Variants in PCDHGA3 observed in about 807,000 individuals in gnomAD.
PCDHGA3 encodes protocadherin gamma subfamily A, 3.
In PCDHGA3, 40 loss-of-function variants were observed where a neutral mutation model predicts 58.5. The ratio of observed to expected loss-of-function variants is 0.68; its 90% CI spans 0.53 to 0.89. The LOEUF is 0.89. Among genes scored for constraint, PCDHGA3 ranks in the 40% least tolerant of loss-of-function variants. The pLI, the probability that PCDHGA3 is intolerant of heterozygous loss-of-function variation, is 0.00. For synonymous variants in PCDHGA3, 530 were observed against 525.7 expected (o/e 1.01, Z -0.11); for missense variants, 1,223 against 1,195.9 (o/e 1.02, Z -0.33).
intron 1 of PCDHGA3, among the ~76,000 whole-genome samples, chr5:141,363,355 A>G (rs1252929193): frequency 6.6e-6 from 1 of 152,170 alleles, no homozygotes; most frequent in Non-Finnish European, 1.5e-5. Context: ...TGAAATGTCC[A>G]TTTTTTTCAA....
chr5:141,394,654 C>T lies in PCDHGA3; in HGVS notation c.2424+48197C>T. ...TACCGCCTGCTCAAGGCCAGCGAGCCGGGACTCTTCTCGGTGGGTCTGCAC... is the reference window on the plus strand; with the variant it reads ...TACCGCCTGCTCAAGGCCAGCGAGCTGGGACTCTTCTCGGTGGGTCTGCAC... On this transcript the variant is annotated intron_variant, in intron 1 of 3. Coordinates refer to ENST00000253812, the MANE Select transcript of PCDHGA3 (RefSeq NM_018916.4). 1.9e-6 allele frequency: 3 copies of T among 1,613,236 alleles called. No homozygotes were observed. Among genetic ancestry groups the T allele is most frequent in the Non-Finnish European group, 2.5e-6 (3 of 1,179,928 alleles).
At chr5:141,498,971 G>A (rs866066098) in intron 2 of PCDHGA3, among the ~76,000 whole-genome samples, 16 of 111,052 alleles carry the variant, frequency 1.4e-4, no homozygotes, top group African/African-American at 2.5e-4. Context: ...GAGGGAGGGA[G>A]GGAAGGAAGG....
chr5:141,485,993 A>C lies in PCDHGA3; in HGVS notation c.2425-8814A>C. 6.2e-7 allele frequency: 1 copy of C among 1,614,210 alleles called. No homozygotes were observed. Among genetic ancestry groups the C allele is most frequent in the Non-Finnish European group, 8.5e-7 (1 of 1,180,028 alleles). On this transcript the variant is annotated intron_variant, in intron 1 of 3. Coordinates refer to ENST00000253812, the MANE Select transcript of PCDHGA3 (RefSeq NM_018916.4). The surrounding 1 kb of genome is among the most constrained non-coding windows in gnomAD (Gnocchi z 5.7). ...TGCCTCAGACCCGGACCTGGGTCCC[A>C]GTGGTAACGTCACCTTTTATTTCAG...
intron 1 of PCDHGA3, chr5:141,394,067 C>T (rs773390718): frequency 1.9e-6 from 3 of 1,613,794 alleles, no homozygotes; most frequent in Admixed American, 3.3e-5. Flanking sequence ...TCTCTATCTA[C>T]AATATCACAG....
At chr5:141,363,584 T>C (rs1175154896) in intron 1 of PCDHGA3, among the ~76,000 whole-genome samples, 1 of 152,246 alleles carries the variant, frequency 6.6e-6, no homozygotes, top group Non-Finnish European at 1.5e-5. Context: ...AATGCATAGT[T>C]AACCCAACTC....
In PCDHGA3 at chr5:141,383,574, C is replaced by T. The variant is rs1338805390; in HGVS notation, c.2424+37117C>T. The stretch of plus-strand genomic sequence containing the variant: ...GCGGCGACCCGCCCCGATCCAGCAC[C>T]GCCCACATCCAGGTGACAGTGGTGG... On this transcript the variant is annotated intron_variant, in intron 1 of 3. Transcript: ENST00000253812. The T allele has an allele frequency of 3.7e-6, 6 of 1,613,366 alleles. No homozygotes were observed. In the South Asian group the frequency reaches 5.5e-5, roughly 15 times the overall value.
chr5:141,373,370 G>T (rs1448314999), intron 1 of PCDHGA3, among the ~76,000 whole-genome samples: 1 of 152,164 alleles, frequency 6.6e-6, no homozygotes, highest in African/African-American at 2.4e-5. Context: ...TAATGAATTG[G>T]TTCAAAATGT....
At chr5:141,434,608 C>T (rs142418557) in intron 1 of PCDHGA3, among the ~76,000 whole-genome samples, 1,532 of 152,226 alleles carry the variant, frequency 0.01, 34 homozygotes, top group African/African-American at 0.034. Flanking sequence ...CCTTTATTTC[C>T]GCCCATCTCT....
At chr5:141,433,318 G>A (rs1659490277) in intron 1 of PCDHGA3, 2 of 788,746 alleles carry the variant, frequency 2.5e-6, no homozygotes, top group Non-Finnish European at 4.0e-6. Context: ...CTTTGCCTCC[G>A]GTGTAACAGG....
chr5:141,489,080 C>CCCA lies in PCDHGA3; in HGVS notation c.2425-5727_2425-5726insCCA. On this transcript the variant is annotated intron_variant, in intron 1 of 3. Coordinates refer to ENST00000253812, the MANE Select transcript of PCDHGA3 (RefSeq NM_018916.4). This position sits in a 1 kb window ranked among gnomAD's most constrained non-coding sequence, Gnocchi z 4.5. ...TCCCCTCCCCCCTGCCCACCCCCGC[C>CCCA]ACTCGGTGACTAAGAACTGCTGCAA... 3.0e-6 allele frequency: 1 copy of CCCA among 336,172 alleles called. No individual in the cohort carries two copies. The highest frequency in any genetic ancestry group is 5.5e-5 in the East Asian group (1 of 18,342). 20.8% of individuals were successfully genotyped at this position (336,172 alleles called of 1,614,324 possible).
intron 1 of PCDHGA3, chr5:141,408,704 A>G: frequency 1.2e-6 from 2 of 1,613,236 alleles, no homozygotes; most frequent in Non-Finnish European, 1.7e-6. Context: ...AAACTCAATT[A>G]AAGATTATAA....
At position 141,489,219 on chromosome 5, in the gene PCDHGA3, T is replaced by C; in HGVS notation, c.2425-5588T>C. 1 of 1,502,828 alleles carries C rather than the reference T, an allele frequency of 6.7e-7. No homozygotes were observed. Among genetic ancestry groups the C allele is most frequent in the Non-Finnish European group, 8.9e-7 (1 of 1,117,962 alleles). 93.1% of individuals were successfully genotyped at this position (1,502,828 alleles called of 1,614,324 possible). On this transcript the variant is annotated intron_variant, in intron 1 of 3. Transcript: ENST00000253812. This position sits in a 1 kb window ranked among gnomAD's most constrained non-coding sequence, Gnocchi z 4.5. ...GAGACAGGACAGCACAGACTTACTC[T>C]CCACAAAGGGACTTCTGGGTCATGG...
At chr5:141,410,469 T>C in intron 1 of PCDHGA3, 1 of 1,614,026 alleles carries the variant, frequency 6.2e-7, no homozygotes, top group Non-Finnish European at 8.5e-7. Context: ...AATCTGTGCA[T>C]TGCACATACG....
In PCDHGA3 at chr5:141,344,350, T is replaced by A; in HGVS notation, c.317T>A (p.Ile106Asn). Residue 106 changes from isoleucine to asparagine, a missense_variant, in exon 1 of 4, where the codon ATT becomes AAT. Around this residue, in one of 3 missense-constraint regions of PCDHGA3, gnomAD observed 791 missense variants for 708.5 expected, o/e 1.12. Transcript: ENST00000253812. The stretch of plus-strand genomic sequence containing the variant: ...CAGATCCCGCTGTGTCTGGTAAAAA[T>A]TAACATTCTGGTTGAGGATAAATTG... ...CAQIPLCLVK[I>N]NILVEDKLKI... is the part of the protein sequence containing the mutation. 1.2e-6 allele frequency: 2 copies of A among 1,613,880 alleles called. No homozygotes were observed. The highest frequency in any genetic ancestry group is 1.7e-6 in the Non-Finnish European group (2 of 1,179,872).
At chr5:141,384,648 G>A in intron 1 of PCDHGA3, 1 of 1,614,238 alleles carries the variant, frequency 6.2e-7, no homozygotes, top group Middle Eastern at 1.6e-4. Flanking sequence ...GCTCCGCAGA[G>A]CCCGGCTACC....
rs1561491420 is a variant in PCDHGA3, at chr5:141,346,016, C to G, written c.1983C>G (p.Thr661=). 4 of 1,613,310 alleles carry G rather than the reference C, an allele frequency of 2.5e-6. No homozygotes were observed. The highest frequency in any genetic ancestry group is 3.4e-6 in the Non-Finnish European group (4 of 1,179,828). ...CTCTCTCCGCCACTGTCACGCTCAC[C>G]GTGGCCGTGGCCGACAGGATCCCCG... ...QPPLSATVTL[T]VAVADRIPDI... Residue 661 remains threonine (T), a synonymous_variant, in exon 1 of 4, where the codon ACC becomes ACG. Coordinates refer to ENST00000253812, the MANE Select transcript of PCDHGA3 (RefSeq NM_018916.4).
chr5:141,359,903 A>G (rs989342788), intron 1 of PCDHGA3: 1 of 412,252 alleles, frequency 2.4e-6, no homozygotes, highest in Non-Finnish European at 4.3e-6. Context: ...TTGACAAGCC[A>G]TTAGTGCAGT....
chr5:141,458,674 A>G (rs1315462699), intron 1 of PCDHGA3, among the ~76,000 whole-genome samples: 1 of 152,104 alleles, frequency 6.6e-6, no homozygotes, highest in East Asian at 1.9e-4. Flanking sequence ...GGTTCAAGCA[A>G]TTCTACTGCC....
chr5:141,370,192 G>T (rs1346847979), intron 1 of PCDHGA3: 1 of 524,194 alleles, frequency 1.9e-6, no homozygotes, highest in South Asian at 3.7e-5. Flanking sequence ...CTTGGCTAGT[G>T]CTGTGCAAAA....
Sources: gnomAD v4.1 joint callset for allele counts (sites outside exome capture counted in the v4.1 genomes callset) on GRCh38, gnomAD v4.1.1 for gene constraint, gnomAD v4.1.1 regional missense constraint, Gnocchi (gnomAD v3.1) non-coding constraint, MANE v1.5 for transcripts, NCBI Gene and HGNC (gene_info 2026-07-23, HGNC 2026-07-21) for gene names.